The following RSRC1 variants were observed in gnomAD, a reference collection of about 807,000 sequenced individuals.
The protein encoded by RSRC1 is serine/Arginine-related protein 53.
A neutral mutation model predicts 49.1 loss-of-function variants in RSRC1; 39 were observed. The observed-to-expected ratio is 0.79, with a 90% confidence interval of 0.61 to 1.04. The LOEUF (loss-of-function observed/expected upper bound fraction) is 1.04, where lower values mean the gene tolerates loss of function less well. Among genes scored for constraint, RSRC1 ranks in the 50% least tolerant of loss-of-function variants. RSRC1 has a pLI of 0.00. For synonymous variants in RSRC1, 143 were observed against 130.8 expected (o/e 1.09, Z -0.63); for missense variants, 388 against 402.4 (o/e 0.96, Z 0.31).
chr3:158,130,506 G>T (rs536376561), intron 3 of RSRC1, among the ~76,000 whole-genome samples: 1 of 152,008 alleles, frequency 6.6e-6, no homozygotes, highest in East Asian at 1.9e-4. Flanking sequence ...TTCAGATTTT[G>T]TAATATTTAC....
chr3:158,479,995 C>A (rs1366632657), intron 7 of RSRC1, among the ~76,000 whole-genome samples: 2 of 152,018 alleles, frequency 1.3e-5, no homozygotes, highest in African/African-American at 4.8e-5. Context: ...AACCATTTAG[C>A]ACACCCTCAA....
intron 5 of RSRC1, among the ~76,000 whole-genome samples, chr3:158,328,216 C>A (rs1361285075): frequency 6.6e-6 from 1 of 152,132 alleles, no homozygotes; most frequent in Non-Finnish European, 1.5e-5. Context: ...TTAATTGGAG[C>A]ATTTAGCCCA....
At chr3:158,522,238 C>T (rs1385762676) in intron 7 of RSRC1, among the ~76,000 whole-genome samples, 1 of 151,988 alleles carries the variant, frequency 6.6e-6, no homozygotes, top group Non-Finnish European at 1.5e-5. Flanking sequence ...AAATAATAAT[C>T]ATATATATTC....
intron 6 of RSRC1, among the ~76,000 whole-genome samples, chr3:158,373,934 A>G (rs1578400628): frequency 6.6e-6 from 1 of 152,212 alleles, no homozygotes; most frequent in South Asian, 2.1e-4. Flanking sequence ...GTGTTGTTCC[A>G]TAATAATTTC....
intron 3 of RSRC1, among the ~76,000 whole-genome samples, chr3:158,180,419 C>CGTGTGTGTGTGTGTGTGTGT (rs374155981): frequency 5.6e-4 from 23 of 40,782 alleles, no homozygotes; most frequent in East Asian, 4.8e-3. Context: ...TTTTTTTTGC[C>CGTGTGTGTGTGTGTGTGTGT]GTGTGTGTGT....
At chr3:158,517,629 G>C (rs1379588649) in intron 7 of RSRC1, among the ~76,000 whole-genome samples, 2 of 148,842 alleles carry the variant, frequency 1.3e-5, no homozygotes, top group African/African-American at 5.0e-5. Context: ...GTCTTGCTGT[G>C]TTGCCCCAGG....
At chr3:158,301,993 T>G (rs116532413) in intron 5 of RSRC1, among the ~76,000 whole-genome samples, 61,691 of 138,928 alleles carry the variant, frequency 0.44, 13,306 homozygotes, top group East Asian at 0.64. Context: ...GTTTTTTTGT[T>G]TTTTTTTTTT....
chr3:158,461,084 G>A, intron 7 of RSRC1, 81 bp downstream of exon 7: 1 of 943,750 alleles, frequency 1.1e-6, no homozygotes, highest in Non-Finnish European at 1.6e-6. Flanking sequence ...ATAATCTAAT[G>A]CCTTAAGGGT....
At chr3:158,462,000 A>G (rs1003091207) in intron 7 of RSRC1, among the ~76,000 whole-genome samples, 8 of 122,494 alleles carry the variant, frequency 6.5e-5, no homozygotes, top group African/African-American at 1.7e-4. Flanking sequence ...ACCAAGCGAA[A>G]AAAAAAAAAA....
At chr3:158,154,476 T>TC (rs1717741774) in intron 3 of RSRC1, among the ~76,000 whole-genome samples, 1 of 151,892 alleles carries the variant, frequency 6.6e-6, no homozygotes, top group Admixed American at 6.6e-5. Context: ...AACTTTTTTT[T>TC]TTTTTTGAGA....
At chr3:158,487,974 A>AAAAAAAAAAAAAAGG (rs71144458) in intron 7 of RSRC1, among the ~76,000 whole-genome samples, 2 of 148,836 alleles carry the variant, frequency 1.3e-5, no homozygotes, top group Non-Finnish European at 1.5e-5. Context: ...AAAAAAAAAA[A>AAAAAAAAAAAAAAGG]CTGGCTGAAT....
chr3:158,180,439 T>C (rs1405710289), intron 3 of RSRC1, among the ~76,000 whole-genome samples: 2 of 129,426 alleles, frequency 1.5e-5, no homozygotes, highest in Non-Finnish European at 3.2e-5. Context: ...TGTGTGTGTG[T>C]GTGTGTGTGT....
At chr3:158,362,297 C>T (rs549900161) in intron 6 of RSRC1, among the ~76,000 whole-genome samples, 24 of 152,232 alleles carry the variant, frequency 1.6e-4, no homozygotes, top group Non-Finnish European at 2.6e-4. Flanking sequence ...GCTGTGATTG[C>T]GCCACTGCAC....
intron 4 of RSRC1, among the ~76,000 whole-genome samples, chr3:158,218,413 G>A (rs1422593031): frequency 6.6e-6 from 1 of 151,644 alleles, no homozygotes; most frequent in Non-Finnish European, 1.5e-5. Context: ...TTTAATGATA[G>A]GTTTGATTTG....
chr3:158,429,645 A>G lies in RSRC1; in HGVS notation c.584-31290A>G, dbSNP rs547675765. ...GTGTGTGCATATATGTATATGCTTA[A>G]GTGATCTTAAAAAAAAACAACAAAA... On this transcript the variant is annotated intron_variant, in intron 6 of 9. Transcript: ENST00000611884. Among the ~76,000 whole-genome samples the G allele has an allele frequency of 3.1e-4, 47 of 150,686 alleles. No individual in the cohort carries two copies. In the South Asian group the frequency reaches 9.7e-3, roughly 31 times the overall value.
chr3:158,151,038 A>G (rs905665769), intron 3 of RSRC1, among the ~76,000 whole-genome samples: 5 of 152,208 alleles, frequency 3.3e-5, no homozygotes, highest in African/African-American at 1.2e-4. Flanking sequence ...CATATACCTT[A>G]TATTTATCCT....
intron 5 of RSRC1, among the ~76,000 whole-genome samples, chr3:158,307,094 A>G (rs931312127): frequency 2.6e-5 from 4 of 151,360 alleles, no homozygotes; most frequent in African/African-American, 7.3e-5. Flanking sequence ...CAGTGGAATC[A>G]TTGGTGACTT....
chr3:158,380,128 A>T (rs1000236872), intron 6 of RSRC1, among the ~76,000 whole-genome samples: 3 of 152,194 alleles, frequency 2.0e-5, no homozygotes, highest in Non-Finnish European at 4.4e-5. Context: ...TAAAATATAC[A>T]TATTACTGAT....
chr3:158,524,498 C>T (rs1423798346), intron 7 of RSRC1, among the ~76,000 whole-genome samples: 1 of 151,978 alleles, frequency 6.6e-6, no homozygotes, highest in Non-Finnish European at 1.5e-5. Context: ...AATGTTTGTT[C>T]TTGCTTCAAT....
Sources: allele counts gnomAD v4.1 joint callset (sites outside exome capture counted in the v4.1 genomes callset), GRCh38; gene constraint gnomAD v4.1.1; transcripts MANE v1.5; gene names NCBI Gene and HGNC (gene_info 2026-07-23, HGNC 2026-07-21).